Variants in NVL observed in about 807,000 individuals in gnomAD.
The protein encoded by NVL is nuclear VCP like, also known as nuclear valosin-containing protein-like.
NVL carries 84 observed loss-of-function variants against 110.2 expected under a neutral mutation model. That is an observed-to-expected ratio of 0.76 (90% CI 0.64 to 0.91). The LOEUF (loss-of-function observed/expected upper bound fraction) is 0.91. Among genes scored for constraint, NVL ranks in the 40% least tolerant of loss-of-function variants. The probability of loss-of-function intolerance (pLI) is 0.00; values close to 1 mark genes in which losing one functional copy is unlikely to be tolerated. For missense variants in NVL, 882 were observed against 1,035.9 expected (o/e 0.85, Z 2.04); for synonymous variants, 354 against 361.1 (o/e 0.98, Z 0.22).
At chr1:224,270,595 T>G (rs1305852009) in intron 17 of NVL, among the ~76,000 whole-genome samples, 1 of 151,884 alleles carries the variant, frequency 6.6e-6, no homozygotes, top group Non-Finnish European at 1.5e-5. Flanking sequence ...ACCTATAATA[T>G]TCTATATAAT....
At chr1:224,238,470 G>A (rs550697187) in intron 19 of NVL, among the ~76,000 whole-genome samples, 10 of 152,252 alleles carry the variant, frequency 6.6e-5, no homozygotes, top group African/African-American at 2.4e-4. Flanking sequence ...ACATACCAGC[G>A]TCTCACTGCC....
intron 18 of NVL, among the ~76,000 whole-genome samples, chr1:224,256,181 T>A (rs779256419): frequency 6.6e-6 from 1 of 152,050 alleles, no homozygotes; most frequent in Non-Finnish European, 1.5e-5. Flanking sequence ...TCCCAGCACT[T>A]TGGGAGGCTG....
At chr1:224,246,666 G>C (rs1661854040) in intron 19 of NVL, among the ~76,000 whole-genome samples, 1 of 152,166 alleles carries the variant, frequency 6.6e-6, no homozygotes, top group Non-Finnish European at 1.5e-5. Flanking sequence ...ATATGTGTGT[G>C]CTTATTTGTA....
At chr1:224,264,735 C>T (rs1166923523) in intron 18 of NVL, among the ~76,000 whole-genome samples, 1 of 46,098 alleles carries the variant, frequency 2.2e-5, no homozygotes. Context: ...AGATCTAGAA[C>T]GTTTATTATT....
At chr1:224,281,555 C>T (rs1369782928) in intron 15 of NVL, among the ~76,000 whole-genome samples, 2 of 151,562 alleles carry the variant, frequency 1.3e-5, no homozygotes. Flanking sequence ...CTGCCTCGGC[C>T]TGCCAAAGTG....
At chr1:224,258,797 A>C (rs534610522) in intron 18 of NVL, among the ~76,000 whole-genome samples, 48 of 152,176 alleles carry the variant, frequency 3.2e-4, no homozygotes, top group African/African-American at 1.1e-3. Flanking sequence ...GAGCCCTCAT[A>C]TTGTATAATG....
In NVL at chr1:224,231,237, T is replaced by C. The variant is rs144005997; in HGVS notation, c.2515A>G (p.Ile839Val). The change falls in exon 22 of 23, where the codon ATA becomes GTA. Residue 839 changes from isoleucine (I) to valine (V), a missense_variant. Physicochemically the swap from Ile to Val is conservative, Grantham distance 29 (BLOSUM62 3). Transcript: ENST00000281701. ...ATGGCATTGCTTACCTTTTTTGATA[T>C]AGATGATCTTACTTTCTTGAAAGCT... ...EEAFKKVRSSISKKDQIMYER... is the reference protein window; with the variant it reads ...EEAFKKVRSSVSKKDQIMYER... The C allele has an allele frequency of 4.8e-4, 774 of 1,611,648 alleles. 5 individuals carry two copies. The highest frequency in any genetic ancestry group is 1.5e-3 in the Middle Eastern group (9 of 6,028).
chr1:224,307,574 C>A (rs1268948870), intron 6 of NVL, among the ~76,000 whole-genome samples: 1 of 152,020 alleles, frequency 6.6e-6, no homozygotes, highest in African/African-American at 2.4e-5. Context: ...GTGGCACATG[C>A]CTGTAGTCTT....
chr1:224,308,634 T>C (rs1669175622), intron 5 of NVL, among the ~76,000 whole-genome samples: 1 of 140,160 alleles, frequency 7.1e-6, no homozygotes, highest in Non-Finnish European at 1.5e-5. Context: ...GAAGTTGCAG[T>C]GAGCCGAGAT....
At chr1:224,261,529 A>G (rs1332694734) in intron 18 of NVL, among the ~76,000 whole-genome samples, 2 of 152,216 alleles carry the variant, frequency 1.3e-5, no homozygotes, top group Non-Finnish European at 2.9e-5. Flanking sequence ...GTATGTGAAA[A>G]AGAGAATGCA....
At chr1:224,276,684 G>T (rs1665792702) in intron 16 of NVL, among the ~76,000 whole-genome samples, 6 of 151,888 alleles carry the variant, frequency 4.0e-5, no homozygotes, top group Admixed American at 3.9e-4. Flanking sequence ...ACATCCTTTT[G>T]GTACTTTTCT....
chr1:224,293,943 G>C (rs1169291227), intron 12 of NVL, among the ~76,000 whole-genome samples: 1 of 152,150 alleles, frequency 6.6e-6, no homozygotes, highest in Non-Finnish European at 1.5e-5. Context: ...AGCCTCCTGA[G>C]TAACTAGGAC....
intron 19 of NVL, among the ~76,000 whole-genome samples, chr1:224,245,406 T>C (rs1661691845): frequency 6.6e-6 from 1 of 152,158 alleles, no homozygotes. Context: ...GGATGTGAAA[T>C]TGCACTGCTA....
intron 18 of NVL, among the ~76,000 whole-genome samples, chr1:224,254,341 T>C (rs1662899521): frequency 6.6e-6 from 1 of 150,766 alleles, no homozygotes; most frequent in Admixed American, 6.7e-5. Flanking sequence ...TCCACCTGCC[T>C]TGGCCTCCCA....
intron 2 of NVL, among the ~76,000 whole-genome samples, chr1:224,323,038 A>T (rs1670811346): frequency 1.3e-5 from 2 of 152,174 alleles, no homozygotes; most frequent in African/African-American, 4.8e-5. Flanking sequence ...CTATAGTTAT[A>T]TACACACAGA....
intron 20 of NVL, 40 bp from the exon 21 acceptor site, chr1:224,233,329 T>A: frequency 6.7e-7 from 1 of 1,490,082 alleles, no homozygotes; most frequent in Non-Finnish European, 9.0e-7. Flanking sequence ...TCTTAGATAC[T>A]GCAAAATCCC....
chr1:224,251,623 G>C (rs1386085960), intron 18 of NVL, among the ~76,000 whole-genome samples: 2 of 152,182 alleles, frequency 1.3e-5, no homozygotes, highest in Non-Finnish European at 2.9e-5. Flanking sequence ...CTGGGCGACA[G>C]AGCAAGACTC....
chr1:224,323,011 A>G (rs556275369), intron 2 of NVL, among the ~76,000 whole-genome samples: 73 of 152,162 alleles, frequency 4.8e-4, no homozygotes, highest in African/African-American at 1.7e-3. Context: ...ACAAGAGAAG[A>G]GCTGTACAGG....
rs184087611 is a variant in NVL at position 224,241,995 on chromosome 1, G to A, written c.2290-5413C>T. Among the ~76,000 whole-genome samples the A allele has an allele frequency of 8.6e-5, 13 of 151,944 alleles. No homozygotes were observed. The East Asian group carries it at 2.1e-3, about 25-fold the overall frequency. On this transcript the variant is annotated intron_variant, in intron 19 of 22. Coordinates refer to ENST00000281701, the MANE Select transcript of NVL (RefSeq NM_002533.4). ...TGCAGTGAGCCAAGACCACGCCATT[G>A]CACTCTAGCCTGGACATCAAGACCA...
Sources: gnomAD v4.1 joint callset for allele counts (sites outside exome capture counted in the v4.1 genomes callset) on GRCh38, gnomAD v4.1.1 for gene constraint, MANE v1.5 for transcripts, NCBI Gene and HGNC (gene_info 2026-07-23, HGNC 2026-07-21) for gene names.